CTNNA3: variants seen among roughly 807,000 people sequenced by gnomAD.
CTNNA3 encodes catenin alpha 3.
Under a neutral mutation model 95.7 loss-of-function variants are expected in CTNNA3, and 76 were observed. The observed-to-expected ratio is 0.79, with a 90% CI of 0.66 to 0.96. The LOEUF (loss-of-function observed/expected upper bound fraction) is 0.96, where lower values mean the gene tolerates loss of function less well. CTNNA3 is among the 40% of genes least tolerant of loss of function. The probability of loss-of-function intolerance (pLI) is 0.00; values close to 1 mark genes in which losing one functional copy is unlikely to be tolerated. For missense variants in CTNNA3, 1,191 were observed against 1,089.8 expected, an observed-to-expected ratio of 1.09 and a Z score of -1.31; for synonymous variants, 431 against 374.4, an observed-to-expected ratio of 1.15 and a Z score of -1.74.
At chr10:66,612,791 G>T (rs7900938) in intron 10 of CTNNA3, among the ~76,000 whole-genome samples, 38,466 of 151,692 alleles carry the variant, frequency 0.25, 6,111 homozygotes, top group Middle Eastern at 0.44. Flanking sequence ...TGCCCTTTTC[G>T]TATTTTCCCA....
Position 66,065,230 on chromosome 10 carries a change from G to GT in CTNNA3, c.2159+4077dup, listed in dbSNP as rs66776665. Among the ~76,000 whole-genome samples the GT allele has an allele frequency of 4.1e-3, 419 of 102,900 alleles. 2 individuals carry two copies. The highest frequency in any genetic ancestry group is 0.011 in the African/African-American group (323 of 30,046). The allele number at this position is 102,900 out of a possible 152,430, so 67.5% of individuals were successfully genotyped here. A position where few individuals can be genotyped will look rare whatever the true frequency, so the allele number is the denominator to read the frequency against. ...ATGTAAACTTATGTTGGTTTAAATG[G>GT]TTTTTTTTTGTTTTGTTTTGTTTTG... On this transcript the variant is annotated intron_variant, in intron 15 of 17. Coordinates refer to ENST00000433211, the MANE Select transcript of CTNNA3 (RefSeq NM_013266.4).
At chr10:65,929,324 G>A (rs898442317) in intron 17 of CTNNA3, among the ~76,000 whole-genome samples, 5 of 151,904 alleles carry the variant, frequency 3.3e-5, no homozygotes, top group African/African-American at 1.2e-4. Context: ...TGTCTTATTG[G>A]CCCAAGAATA....
intron 5 of CTNNA3, among the ~76,000 whole-genome samples, chr10:67,392,323 C>A (rs1844531839): frequency 6.6e-6 from 1 of 152,164 alleles, no homozygotes; most frequent in African/African-American, 2.4e-5. Flanking sequence ...CATCACTGGC[C>A]ATCAGAGAAA....
intron 1 of CTNNA3, among the ~76,000 whole-genome samples, chr10:67,726,176 T>TATATATTATTATAATATATAATATATC: frequency 9.3e-6 from 1 of 107,504 alleles, no homozygotes; most frequent in Non-Finnish European, 1.7e-5. Flanking sequence ...TATATAATAA[T>TATATATTATTATAATATATAATATATC]ATATATTATT....
intron 17 of CTNNA3, among the ~76,000 whole-genome samples, chr10:65,931,577 A>G (rs1039832663): frequency 6.6e-6 from 1 of 152,210 alleles, no homozygotes; most frequent in Non-Finnish European, 1.5e-5. Context: ...GAGGAAAACA[A>G]TTAAAGTGAC....
At chr10:66,128,863 T>C (rs2082951735) in intron 13 of CTNNA3, among the ~76,000 whole-genome samples, 1 of 152,020 alleles carries the variant, frequency 6.6e-6, no homozygotes, top group African/African-American at 2.4e-5. Flanking sequence ...CGGGAAAGGC[T>C]GTGTGAGTTT....
chr10:67,387,979 T>C (rs1343680310), intron 5 of CTNNA3, among the ~76,000 whole-genome samples: 1 of 151,430 alleles, frequency 6.6e-6, no homozygotes, highest in Non-Finnish European at 1.5e-5. Flanking sequence ...ACAGAAAAAC[T>C]GGAAACTCTA....
chr10:66,742,668 C>A (rs189788288), intron 9 of CTNNA3, among the ~76,000 whole-genome samples: 2 of 152,130 alleles, frequency 1.3e-5, no homozygotes, highest in Non-Finnish European at 2.9e-5. Context: ...CTCAGACCGG[C>A]TGACACTTAG....
chr10:67,027,216 T>C (rs964962589), intron 7 of CTNNA3, among the ~76,000 whole-genome samples: 1 of 151,860 alleles, frequency 6.6e-6, no homozygotes, highest in Non-Finnish European at 1.5e-5. Flanking sequence ...GGAGGAGAGA[T>C]GAGGAAAGGA....
At chr10:67,043,478 A>G (rs1589651659) in intron 7 of CTNNA3, among the ~76,000 whole-genome samples, 1 of 152,150 alleles carries the variant, frequency 6.6e-6, no homozygotes, top group Admixed American at 6.6e-5. Context: ...CCTAAGCTGC[A>G]TGTCATTTAG....
chr10:67,291,068 A>G (rs960386931), intron 5 of CTNNA3, among the ~76,000 whole-genome samples: 1 of 152,168 alleles, frequency 6.6e-6, no homozygotes, highest in Non-Finnish European at 1.5e-5. Flanking sequence ...ACAAGGATTC[A>G]CATTGCTCTC....
intron 3 of CTNNA3, among the ~76,000 whole-genome samples, chr10:67,586,426 T>C (rs779129832): frequency 1.3e-5 from 2 of 152,152 alleles, no homozygotes; most frequent in Non-Finnish European, 2.9e-5. Flanking sequence ...TCCCCTAATA[T>C]TACCATATTG....
rs138710366 is a variant in CTNNA3 at position 67,457,186 on chromosome 10, T to C, written c.579+64656A>G. 3.3e-4 allele frequency among the ~76,000 whole-genome samples: 50 copies of C among 152,264 alleles called. 1 individual carries two copies. In the East Asian group the frequency reaches 7.1e-3, roughly 22 times the overall value. ...AGAAAAACTGTGGACATTTCCAAGG[T>C]CCTGGATGAAAAGGTATGGACAGCA... On this transcript the variant is annotated intron_variant, in intron 5 of 17. Coordinates refer to ENST00000433211, the MANE Select transcript of CTNNA3 (RefSeq NM_013266.4).
intron 9 of CTNNA3, among the ~76,000 whole-genome samples, chr10:66,749,188 G>A (rs1279994192): frequency 7.0e-5 from 7 of 100,500 alleles, no homozygotes; most frequent in Non-Finnish European, 5.5e-5. Flanking sequence ...GGGCAACACA[G>A]GGAAACTCCA....
chr10:66,630,220 G>A (rs977285119), intron 9 of CTNNA3, among the ~76,000 whole-genome samples: 26 of 152,104 alleles, frequency 1.7e-4, no homozygotes, highest in African/African-American at 6.3e-4. Context: ...ATGAACATGA[G>A]ATGACAAATA....
At chr10:67,047,664 C>G (rs1464242095) in intron 7 of CTNNA3, among the ~76,000 whole-genome samples, 1 of 151,932 alleles carries the variant, frequency 6.6e-6, no homozygotes, top group Non-Finnish European at 1.5e-5. Context: ...GAAATAAATT[C>G]ACATATATTT....
At chr10:66,324,518 T>C (rs1280523933) in intron 12 of CTNNA3, among the ~76,000 whole-genome samples, 10 of 152,224 alleles carry the variant, frequency 6.6e-5, no homozygotes, top group South Asian at 2.1e-4. Context: ...TAAGACAGCA[T>C]TGTAACACTG....
chr10:67,390,504 G>A (rs1844419953), intron 5 of CTNNA3, among the ~76,000 whole-genome samples: 1 of 152,008 alleles, frequency 6.6e-6, no homozygotes, highest in Non-Finnish European at 1.5e-5. Context: ...CATTCCTACT[G>A]AAACTATTCC....
At chr10:66,127,001 G>C (rs1360311367) in intron 13 of CTNNA3, among the ~76,000 whole-genome samples, 1 of 152,014 alleles carries the variant, frequency 6.6e-6, no homozygotes, top group Non-Finnish European at 1.5e-5. Context: ...GGGCGCGGTG[G>C]CTCACACCTG....
Sources: allele counts gnomAD v4.1 joint callset (sites outside exome capture counted in the v4.1 genomes callset), GRCh38; gene constraint gnomAD v4.1.1; transcripts MANE v1.5; gene names NCBI Gene and HGNC (gene_info 2026-07-23, HGNC 2026-07-21).